Variants in LRRC28 observed in about 807,000 individuals in gnomAD.
LRRC28 encodes the protein leucine-rich repeat-containing protein 28.
A neutral mutation model predicts 45.7 loss-of-function variants in LRRC28; 39 were observed. The ratio of observed to expected loss-of-function variants is 0.85; its 90% CI spans 0.66 to 1.12. The LOEUF is 1.12. Ranked by LOEUF, LRRC28 falls within the 50% of genes most tolerant of loss-of-function variation. The pLI, the probability that LRRC28 is intolerant of heterozygous loss-of-function variation, is 0.00. For missense variants in LRRC28, 435 were observed against 438.5 expected, an observed-to-expected ratio of 0.99 and a Z score of 0.07; for synonymous variants, 206 against 178.8, an observed-to-expected ratio of 1.15 and a Z score of -1.22.
At chr15:99,302,221 G>C (rs1197216097) in intron 5 of LRRC28, among the ~76,000 whole-genome samples, 1 of 151,770 alleles carries the variant, frequency 6.6e-6, no homozygotes, top group African/African-American at 2.4e-5. Context: ...TAGAGATGGG[G>C]TTTCATCGTG....
In LRRC28 at chr15:99,386,409, A is replaced by C. The variant is rs910936944; in HGVS notation, c.*307A>C. The C allele has an allele frequency of 1.8e-5, 5 of 280,306 alleles. No individual in the cohort carries two copies. Among genetic ancestry groups the C allele is most frequent in the Non-Finnish European group, 3.4e-5 (5 of 149,164 alleles). The allele number at this position is 280,306 out of a possible 1,614,324, so 17.4% of individuals were successfully genotyped here. A position where few individuals can be genotyped will look rare whatever the true frequency, so the allele number is the denominator to read the frequency against. On this transcript the variant is annotated 3_prime_UTR_variant, in exon 10 of 10. Transcript: ENST00000301981. Reference sequence around the variant, plus strand: ...TAAAGCAAGTTTCCGGTCCTTGGAGAACAGTGACTTGATCATCTAGCCAGA... The same window carrying C: ...TAAAGCAAGTTTCCGGTCCTTGGAGCACAGTGACTTGATCATCTAGCCAGA...
At position 99,333,978 on chromosome 15, in the gene LRRC28, A is replaced by G. The variant is rs1367477135; in HGVS notation, c.441A>G (p.Leu147=). 1 of 1,614,102 alleles carries G rather than the reference A, an allele frequency of 6.2e-7. No individual in the cohort carries two copies. Among genetic ancestry groups the G allele is most frequent in the South Asian group, 1.1e-5 (1 of 91,084 alleles). ...TAGACATTTCTACCAATCGTTTGCTAACTTTACCCGAGAGGCTTCACATGT... is the reference window on the plus strand; with the variant it reads ...TAGACATTTCTACCAATCGTTTGCTGACTTTACCCGAGAGGCTTCACATGT... ...QTLDISTNRL[L]TLPERLHMCL... The change falls in exon 6 of 10, where the codon CTA becomes CTG. Residue 147 remains leucine, a synonymous_variant. Coordinates refer to ENST00000301981, the MANE Select transcript of LRRC28 (RefSeq NM_144598.5).
Position 99,275,320 on chromosome 15 carries a change from C to G in LRRC28, c.169-1256C>G, listed in dbSNP as rs572242822. On this transcript the variant is annotated intron_variant, in intron 2 of 9. Coordinates refer to ENST00000301981, the MANE Select transcript of LRRC28 (RefSeq NM_144598.5). ...CTCTGACTTCTTCTGGGTAAAGGAC[C>G]TAGGTTTGTCTGCCTTTCTTTCTCC... 7.9e-5 allele frequency among the ~76,000 whole-genome samples: 12 copies of G among 152,260 alleles called. No homozygotes were observed. The East Asian group carries it at 2.1e-3, about 27-fold the overall frequency.
chr15:99,265,885 A>G (rs760311141), intron 2 of LRRC28, among the ~76,000 whole-genome samples: 24 of 152,224 alleles, frequency 1.6e-4, no homozygotes, highest in Non-Finnish European at 2.8e-4. Context: ...GAATCTGTCA[A>G]CTGCTTTTCT....
chr15:99,290,948 G>A (rs28696045), intron 5 of LRRC28, among the ~76,000 whole-genome samples: 52,228 of 151,966 alleles, frequency 0.34, 10,166 homozygotes, highest in African/African-American at 0.54. Flanking sequence ...AGCCTGGACA[G>A]CGGAGTGAGA....
At chr15:99,348,989 T>C (rs543710796) in intron 6 of LRRC28, among the ~76,000 whole-genome samples, 26 of 152,232 alleles carry the variant, frequency 1.7e-4, no homozygotes, top group African/African-American at 5.8e-4. Context: ...ACAAATCTTT[T>C]TACCTCCTTA....
chr15:99,345,951 C>G (rs1172944362), intron 6 of LRRC28, among the ~76,000 whole-genome samples: 5 of 152,144 alleles, frequency 3.3e-5, no homozygotes, highest in Admixed American at 1.3e-4. Context: ...GCAAATTATT[C>G]TCTTCAGTGA....
At chr15:99,367,821 C>A (rs548678504) in intron 9 of LRRC28, among the ~76,000 whole-genome samples, 1 of 152,286 alleles carries the variant, frequency 6.6e-6, no homozygotes, top group Non-Finnish European at 1.5e-5. Flanking sequence ...ATTACATAGA[C>A]ATGATTAATT....
intron 5 of LRRC28, among the ~76,000 whole-genome samples, chr15:99,288,893 T>C (rs2082035479): frequency 1.3e-5 from 2 of 151,730 alleles, no homozygotes; most frequent in South Asian, 4.2e-4. Flanking sequence ...TTGGCTAGGC[T>C]AGTCTCAAAC....
At chr15:99,379,428 C>T (rs182764324) in intron 9 of LRRC28, among the ~76,000 whole-genome samples, 7 of 151,946 alleles carry the variant, frequency 4.6e-5, no homozygotes, top group Admixed American at 3.3e-4. Flanking sequence ...GATTCTTCTC[C>T]CTTTTCTTCT....
At chr15:99,305,109 G>C (rs936943978) in intron 5 of LRRC28, among the ~76,000 whole-genome samples, 2 of 152,150 alleles carry the variant, frequency 1.3e-5, no homozygotes, top group African/African-American at 4.8e-5. Context: ...CGTCAGATCA[G>C]CTAGGTGCCT....
At chr15:99,320,711 A>G (rs1232271765) in intron 5 of LRRC28, 1 of 152,124 alleles carries the variant, frequency 6.6e-6, no homozygotes, top group Non-Finnish European at 1.5e-5. Context: ...AAATCAAACT[A>G]TTTCTGGCCC....
chr15:99,265,778 C>A (rs1399288757), intron 2 of LRRC28, among the ~76,000 whole-genome samples: 1 of 152,142 alleles, frequency 6.6e-6, no homozygotes. Flanking sequence ...TATGGCTTAA[C>A]CTCTTTGGAC....
intron 7 of LRRC28, among the ~76,000 whole-genome samples, chr15:99,359,251 C>A (rs985900999): frequency 6.6e-6 from 1 of 152,106 alleles, no homozygotes; most frequent in Non-Finnish European, 1.5e-5. Context: ...ACAAAGAGAA[C>A]CATATGCAAA....
intron 5 of LRRC28, among the ~76,000 whole-genome samples, chr15:99,324,610 T>C (rs961843812): frequency 2.0e-5 from 3 of 152,194 alleles, no homozygotes; most frequent in Non-Finnish European, 4.4e-5. Flanking sequence ...GTTTTTCTTT[T>C]GAAATTGACA....
At chr15:99,379,276 G>A (rs938881104) in intron 9 of LRRC28, among the ~76,000 whole-genome samples, 2 of 152,192 alleles carry the variant, frequency 1.3e-5, no homozygotes, top group Non-Finnish European at 2.9e-5. Flanking sequence ...GAGGGTGTAT[G>A]TGTCCAGGAA....
chr15:99,318,156 A>G (rs1357466170), intron 5 of LRRC28, among the ~76,000 whole-genome samples: 5 of 152,210 alleles, frequency 3.3e-5, no homozygotes, highest in African/African-American at 1.2e-4. Context: ...AAAAAATTTT[A>G]TAATGACAGA....
At chr15:99,323,769 G>C (rs1181732000) in intron 5 of LRRC28, among the ~76,000 whole-genome samples, 1 of 152,094 alleles carries the variant, frequency 6.6e-6, no homozygotes, top group African/African-American at 2.4e-5. Flanking sequence ...TAACTTTTCT[G>C]TTATTGTTAT....
At chr15:99,285,394 A>T (rs1218617557) in intron 3 of LRRC28, 6 of 745,038 alleles carry the variant, frequency 8.1e-6, no homozygotes, top group South Asian at 1.4e-5. Context: ...CCGCAGTGGT[A>T]TAGTGACAAA....
Sources: gnomAD v4.1 joint callset for allele counts (sites outside exome capture counted in the v4.1 genomes callset) on GRCh38, gnomAD v4.1.1 for gene constraint, MANE v1.5 for transcripts, NCBI Gene and HGNC (gene_info 2026-07-23, HGNC 2026-07-21) for gene names.